MACROD2: variants seen among roughly 807,000 people sequenced by gnomAD.
MACROD2 encodes ADP-ribose glycohydrolase MACROD2.
A neutral mutation model predicts 70.4 loss-of-function variants in MACROD2; 36 were observed. The ratio of observed to expected loss-of-function variants is 0.51; its 90% CI spans 0.39 to 0.68. MACROD2 has a LOEUF of 0.68. Ranked by LOEUF, MACROD2 falls within the 30% of genes least tolerant of loss-of-function variation. The pLI, the probability that MACROD2 is intolerant of heterozygous loss-of-function variation, is 0.00. For synonymous variants in MACROD2, 172 were observed against 178.8 expected (o/e 0.96, Z 0.30); for missense variants, 496 against 538.4 (o/e 0.92, Z 0.78).
At chr20:15,822,106 GA>G (rs1384381613) in intron 8 of MACROD2, among the ~76,000 whole-genome samples, 1 of 152,132 alleles carries the variant, frequency 6.6e-6, no homozygotes, top group East Asian at 1.9e-4. Context: ...ATTAATCATT[GA>G]AAACATCAGA....
intron 8 of MACROD2, among the ~76,000 whole-genome samples, chr20:15,699,783 C>A (rs2050429719): frequency 6.6e-6 from 1 of 152,194 alleles, no homozygotes; most frequent in Admixed American, 6.5e-5. Context: ...CTTCTCAGCT[C>A]ATTCAAATTG....
chr20:14,668,541 T>C (rs1158632527), intron 4 of MACROD2, among the ~76,000 whole-genome samples: 1 of 152,170 alleles, frequency 6.6e-6, no homozygotes, highest in Non-Finnish European at 1.5e-5. Flanking sequence ...GATCCTCCCA[T>C]AGGTTCCATT....
chr20:14,506,857 A>G (rs2093559334), intron 4 of MACROD2, among the ~76,000 whole-genome samples: 1 of 152,204 alleles, frequency 6.6e-6, no homozygotes, highest in Non-Finnish European at 1.5e-5. Flanking sequence ...AGGCTGAGGC[A>G]GGAGAATCAC....
chr20:14,347,464 G>A (rs1260807138), intron 3 of MACROD2, among the ~76,000 whole-genome samples: 3 of 152,190 alleles, frequency 2.0e-5, no homozygotes, highest in Non-Finnish European at 2.9e-5. Context: ...CATGAAAAGA[G>A]TAGTGGACAG....
chr20:14,331,338 G>GGAA, intron 3 of MACROD2, among the ~76,000 whole-genome samples: 1 of 152,036 alleles, frequency 6.6e-6, no homozygotes, highest in East Asian at 1.9e-4. Flanking sequence ...GTGAAAAGAC[G>GGAA]GAAGATTAAT....
chr20:15,121,310 G>A (rs574214651), intron 5 of MACROD2, among the ~76,000 whole-genome samples: 6 of 152,094 alleles, frequency 3.9e-5, no homozygotes, highest in African/African-American at 1.2e-4. Flanking sequence ...TCAGGAATTC[G>A]AGACCAGCCT....
intron 2 of MACROD2, among the ~76,000 whole-genome samples, chr20:14,063,455 G>A (rs1168526265): frequency 6.6e-6 from 1 of 152,104 alleles, no homozygotes; most frequent in Non-Finnish European, 1.5e-5. Context: ...TTCTTGCCAT[G>A]GTTGCCAGCA....
At chr20:15,235,917 T>G (rs1227512287) in intron 6 of MACROD2, among the ~76,000 whole-genome samples, 1 of 152,184 alleles carries the variant, frequency 6.6e-6, no homozygotes, top group Non-Finnish European at 1.5e-5. Context: ...TTAGGCAATA[T>G]CTAGTCTTGG....
intron 8 of MACROD2, among the ~76,000 whole-genome samples, chr20:15,792,278 A>T (rs1329572014): frequency 6.6e-6 from 1 of 152,148 alleles, no homozygotes; most frequent in Non-Finnish European, 1.5e-5. Context: ...GAAAAACATG[A>T]GTGAATTTAT....
chr20:15,522,190 C>A (rs2047662199), intron 8 of MACROD2, among the ~76,000 whole-genome samples: 1 of 152,134 alleles, frequency 6.6e-6, no homozygotes, highest in Non-Finnish European at 1.5e-5. Flanking sequence ...GCTTGCATAG[C>A]CCTCATATTC....
chr20:14,348,972 GTGGGAGGATTGCTTGAGCT>G (rs1183793026), intron 3 of MACROD2, among the ~76,000 whole-genome samples: 7 of 152,248 alleles, frequency 4.6e-5, no homozygotes, highest in Non-Finnish European at 8.8e-5. Context: ...GGAGGCTGAG[GTGGGAGGATTGCTTGAGCT>G]TAGGAGGTGG....
intron 8 of MACROD2, among the ~76,000 whole-genome samples, chr20:15,514,256 A>C (rs1600518705): frequency 1.3e-5 from 2 of 152,318 alleles, no homozygotes; most frequent in South Asian, 4.1e-4. Flanking sequence ...ACAGTAATGA[A>C]CCAGGCCTTC....
chr20:14,031,357 C>T (rs902102293), intron 2 of MACROD2, among the ~76,000 whole-genome samples: 16 of 152,096 alleles, frequency 1.1e-4, no homozygotes, highest in South Asian at 8.3e-4. Flanking sequence ...CTTACTTTGA[C>T]GATGAAAAAT....
chr20:15,970,146 C>T (rs1433928018), intron 13 of MACROD2, among the ~76,000 whole-genome samples: 10 of 151,926 alleles, frequency 6.6e-5, no homozygotes, highest in Non-Finnish European at 4.4e-5. Flanking sequence ...TTCAAGAATT[C>T]AAGGTTAATT....
At chr20:14,470,278 CTG>C (rs1034828891) in intron 3 of MACROD2, among the ~76,000 whole-genome samples, 153 of 152,242 alleles carry the variant, frequency 1.0e-3, no homozygotes, top group African/African-American at 3.6e-3. Flanking sequence ...GCAAAGATTG[CTG>C]TCTTTTCCTT....
intron 4 of MACROD2, among the ~76,000 whole-genome samples, chr20:14,644,323 G>A (rs999274836): frequency 3.3e-5 from 5 of 152,272 alleles, no homozygotes; most frequent in Admixed American, 2.0e-4. Context: ...GATCAAAAAT[G>A]TGAGTGCCAA....
chr20:15,500,626 A>C (rs1188252606), intron 8 of MACROD2, among the ~76,000 whole-genome samples: 2 of 152,044 alleles, frequency 1.3e-5, no homozygotes, highest in Non-Finnish European at 2.9e-5. Context: ...ATTGTGTTTC[A>C]TTTTCTGATG....
chr20:15,616,098 CTT>C (rs34011264), intron 8 of MACROD2, among the ~76,000 whole-genome samples: 57 of 111,198 alleles, frequency 5.1e-4, no homozygotes, highest in African/African-American at 1.8e-3. Context: ...GTTCCCCATT[CTT>C]TTTTTTTTTT....
rs534393491 is a variant in MACROD2 at position 14,694,175 on chromosome 20, A to C, written c.418+9216A>C. 4.0e-4 allele frequency among the ~76,000 whole-genome samples: 61 copies of C among 152,312 alleles called. 1 individual carries two copies. Among genetic ancestry groups the C allele is most frequent in the East Asian group, 5.8e-4 (3 of 5,190 alleles). ...TGTATACAGTAAGGATAGTTCATAC[A>C]TTTTTGAAATGTTCTCCCTTGCTAC... On this transcript the variant is annotated intron_variant, in intron 5 of 17. Transcript: ENST00000684519.
Sources: gnomAD v4.1 joint callset for allele counts (sites outside exome capture counted in the v4.1 genomes callset) on GRCh38, gnomAD v4.1.1 for gene constraint, MANE v1.5 for transcripts, NCBI Gene and HGNC (gene_info 2026-07-23, HGNC 2026-07-21) for gene names.